EPHA3: variants seen among roughly 807,000 people sequenced by gnomAD.
The protein encoded by EPHA3 is ephrin type-A receptor 3.
In EPHA3, 42 loss-of-function variants were observed where a neutral mutation model predicts 107.1. The ratio of observed to expected loss-of-function variants is 0.39; its 90% CI spans 0.31 to 0.51. The LOEUF (loss-of-function observed/expected upper bound fraction) is 0.51, where lower values mean the gene tolerates loss of function less well. Among genes scored for constraint, EPHA3 ranks in the 20% least tolerant of loss-of-function variants. The pLI is 0.78. For missense variants in EPHA3, 1,183 were observed against 1,211.2 expected (o/e 0.98, Z 0.35); for synonymous variants, 461 against 424.8 (o/e 1.09, Z -1.05).
intron 5 of EPHA3, 45 bp downstream of exon 5, chr3:89,342,135 G>T: frequency 6.6e-7 from 1 of 1,509,072 alleles, no homozygotes; most frequent in Non-Finnish European, 8.9e-7. Context: ...TATCACGTCT[G>T]AGTAATGGTT....
At chr3:89,224,891 AT>A (rs1349462822) in intron 3 of EPHA3, among the ~76,000 whole-genome samples, 2 of 151,884 alleles carry the variant, frequency 1.3e-5, no homozygotes, top group African/African-American at 2.4e-5. Flanking sequence ...TAATAAAAAA[AT>A]AAAAAGCATA....
At chr3:89,149,818 C>T (rs1704651198) in intron 2 of EPHA3, among the ~76,000 whole-genome samples, 1 of 151,812 alleles carries the variant, frequency 6.6e-6, no homozygotes, top group South Asian at 2.1e-4. Context: ...AAAGAATTCA[C>T]TGGTGTGTGA....
intron 2 of EPHA3, among the ~76,000 whole-genome samples, chr3:89,169,602 A>G (rs1463430765): frequency 6.6e-6 from 1 of 152,174 alleles, no homozygotes; most frequent in Non-Finnish European, 1.5e-5. Flanking sequence ...CACACAGGTG[A>G]CCATACAGTG....
chr3:89,281,004 A>ATTATTTATTTATTTAT (rs372696481), intron 3 of EPHA3, among the ~76,000 whole-genome samples: 7 of 147,278 alleles, frequency 4.8e-5, no homozygotes, highest in African/African-American at 1.8e-4. Context: ...CAAGATTTTT[A>ATTATTTATTTATTTAT]TTATTTATTT....
At position 89,310,814 on chromosome 3, in the gene EPHA3, G is replaced by A. The variant is rs910337552; in HGVS notation, c.815-30102G>A. 4.3e-4 allele frequency among the ~76,000 whole-genome samples: 65 copies of A among 151,988 alleles called. 1 individual carries two copies. The highest frequency in any genetic ancestry group is 9.2e-4 in the Admixed American group (14 of 15,210). ...GAGCTAGATAATTTAATTGGAATGC[G>A]GATGTTTTATGACAAATATATGAAG... On this transcript the variant is annotated intron_variant, in intron 3 of 16. Transcript: ENST00000336596.
chr3:89,328,992 A>G lies in EPHA3; in HGVS notation c.815-11924A>G, dbSNP rs541698435. ...GTCTAAGATGTAACAATCTCAGGGA[A>G]CTAACTCCCTTTCCCACCCTCTTCC... On this transcript the variant is annotated intron_variant, in intron 3 of 16. Transcript: ENST00000336596. Among the ~76,000 whole-genome samples, 3 of 152,234 alleles carry G rather than the reference A, an allele frequency of 2.0e-5. No homozygotes were observed. The South Asian group carries it at 6.2e-4, about 32-fold the overall frequency.
chr3:89,281,698 A>G (rs1705952008), intron 3 of EPHA3, among the ~76,000 whole-genome samples: 1 of 152,328 alleles, frequency 6.6e-6, no homozygotes, highest in African/African-American at 2.4e-5. Flanking sequence ...TTTGTTCTAT[A>G]GTACATGGGC....
chr3:89,466,883 C>G lies in EPHA3; in HGVS notation c.2691-5581C>G, dbSNP rs555560720. Among the ~76,000 whole-genome samples the G allele has an allele frequency of 2.6e-5, 4 of 151,262 alleles. No homozygotes were observed. In the South Asian group the frequency reaches 8.3e-4, roughly 31 times the overall value. On this transcript the variant is annotated intron_variant, in intron 15 of 16. Transcript: ENST00000336596. ...TGTCTCTCTTTTTTAATCTTAAAAT[C>G]AAAACAGCTAATTTTACCACACGGA...
chr3:89,295,686 G>A (rs569402987), intron 3 of EPHA3, among the ~76,000 whole-genome samples: 4 of 152,080 alleles, frequency 2.6e-5, no homozygotes, highest in African/African-American at 9.7e-5. Context: ...CTGCCACCGG[G>A]TTCAAGAGAT....
At chr3:89,230,107 T>G (rs775035627) in intron 3 of EPHA3, among the ~76,000 whole-genome samples, 11 of 152,216 alleles carry the variant, frequency 7.2e-5, no homozygotes, top group Admixed American at 2.6e-4. Context: ...CTCATCACTT[T>G]ATATTACCAG....
chr3:89,209,829 C>T (rs775767746), intron 2 of EPHA3, 31 bp from the exon 3 acceptor site: 3 of 1,541,056 alleles, frequency 1.9e-6, no homozygotes, highest in Non-Finnish European at 2.6e-6. Context: ...ATTAATTCTG[C>T]CTCACTCTCT....
intron 13 of EPHA3, among the ~76,000 whole-genome samples, chr3:89,431,909 A>G (rs181317487): frequency 9.2e-5 from 14 of 152,262 alleles, no homozygotes; most frequent in Admixed American, 2.0e-4. Context: ...TCATGAATAT[A>G]TTATTTAAAT....
intron 15 of EPHA3, among the ~76,000 whole-genome samples, chr3:89,450,904 T>A (rs993831992): frequency 9.2e-5 from 14 of 152,110 alleles, no homozygotes; most frequent in Non-Finnish European, 1.2e-4. Context: ...AGACTCTCTC[T>A]CTAAATAAAT....
intron 2 of EPHA3, among the ~76,000 whole-genome samples, chr3:89,173,060 C>T (rs1705242637): frequency 6.6e-6 from 1 of 151,998 alleles, no homozygotes; most frequent in Non-Finnish European, 1.5e-5. Context: ...AAATATGTTT[C>T]ATATGTACAT....
At chr3:89,281,328 C>T (rs527247005) in intron 3 of EPHA3, among the ~76,000 whole-genome samples, 5 of 152,240 alleles carry the variant, frequency 3.3e-5, no homozygotes, top group Non-Finnish European at 7.4e-5. Flanking sequence ...CCGGGCCTCT[C>T]ACAACATATT....
intron 2 of EPHA3, among the ~76,000 whole-genome samples, chr3:89,204,608 A>ATGTG (rs71621535): frequency 0.11 from 16,650 of 148,622 alleles, 950 homozygotes; most frequent in Admixed American, 0.14. Flanking sequence ...CTGTGTGTAA[A>ATGTG]TGTGTGTGTG....
intron 15 of EPHA3, among the ~76,000 whole-genome samples, chr3:89,454,853 G>C (rs750297257): frequency 7.6e-4 from 115 of 152,060 alleles, no homozygotes; most frequent in Non-Finnish European, 1.4e-3. Context: ...AATGGGCCAG[G>C]CATGGTGGTG....
At chr3:89,237,981 GAA>G (rs1189913937) in intron 3 of EPHA3, among the ~76,000 whole-genome samples, 5 of 110,282 alleles carry the variant, frequency 4.5e-5, no homozygotes, top group Non-Finnish European at 7.7e-5. Context: ...CATGTCTCAG[GAA>G]AAAAAAAAAA....
chr3:89,250,529 A>G (rs1489630528), intron 3 of EPHA3, among the ~76,000 whole-genome samples: 1 of 151,934 alleles, frequency 6.6e-6, no homozygotes, highest in Non-Finnish European at 1.5e-5. Flanking sequence ...TTCATTCTAT[A>G]ATATACCAAA....
Sources: allele counts gnomAD v4.1 joint callset (sites outside exome capture counted in the v4.1 genomes callset), GRCh38; gene constraint gnomAD v4.1.1; transcripts MANE v1.5; gene names NCBI Gene and HGNC (gene_info 2026-07-23, HGNC 2026-07-21).